Variants in CDH2 observed in about 807,000 individuals in gnomAD.
CDH2 encodes the protein cadherin 2.
A neutral mutation model predicts 92.0 loss-of-function variants in CDH2; 17 were observed. The ratio of observed to expected loss-of-function variants is 0.18; its 90% CI spans 0.13 to 0.28. The LOEUF (loss-of-function observed/expected upper bound fraction) is 0.28. Among genes scored for constraint, CDH2 ranks in the 10% least tolerant of loss-of-function variants. The pLI is 1.00. For missense variants in CDH2, 862 were observed against 1,133.1 expected (o/e 0.76, Z 3.44); for synonymous variants, 419 against 415.9 (o/e 1.01, Z -0.09).
chr18:28,148,345 G>A (rs2144328647), intron 1 of CDH2, among the ~76,000 whole-genome samples: 1 of 152,248 alleles, frequency 6.6e-6, no homozygotes, highest in South Asian at 2.1e-4. Context: ...TTGAAGGACA[G>A]TGATACATTA....
At chr18:28,010,477 G>A (rs554917842) in intron 4 of CDH2, among the ~76,000 whole-genome samples, 14 of 152,010 alleles carry the variant, frequency 9.2e-5, no homozygotes, top group African/African-American at 1.2e-4. Context: ...TTTTATGCTC[G>A]CAAACATTAT....
downstream of CDH2, among the ~76,000 whole-genome samples, chr18:27,948,159 G>A (rs62101446): frequency 0.033 from 4,894 of 148,932 alleles, 91 homozygotes; most frequent in African/African-American, 0.053. Context: ...GTGTGTATAC[G>A]GTAAAGAATG....
chr18:28,091,987 T>C (rs528694580), intron 2 of CDH2, among the ~76,000 whole-genome samples: 67 of 151,836 alleles, frequency 4.4e-4, no homozygotes, highest in Non-Finnish European at 7.5e-4. Context: ...ATCTTCTCCC[T>C]GTCTCTTTAC....
At chr18:28,165,161 T>C (rs1472843250) in intron 1 of CDH2, among the ~76,000 whole-genome samples, 5 of 152,222 alleles carry the variant, frequency 3.3e-5, no homozygotes, top group African/African-American at 7.2e-5. Context: ...TTGCTCACTA[T>C]ATGAAAGCAC....
intron 1 of CDH2, among the ~76,000 whole-genome samples, chr18:28,175,973 C>G (rs767174697): frequency 6.6e-6 from 1 of 152,196 alleles, no homozygotes; most frequent in African/African-American, 2.4e-5. Flanking sequence ...CCTGGGCTGG[C>G]TGGTCGGGAG....
intron 15 of CDH2, among the ~76,000 whole-genome samples, chr18:27,962,743 G>A (rs1023457635): frequency 3.3e-5 from 5 of 152,152 alleles, no homozygotes; most frequent in African/African-American, 1.2e-4. Flanking sequence ...CAGAACTCTT[G>A]GTCAGTAATA....
At chr18:27,964,445 G>C (rs1032076432) in intron 14 of CDH2, among the ~76,000 whole-genome samples, 1 of 152,140 alleles carries the variant, frequency 6.6e-6, no homozygotes, top group Admixed American at 6.5e-5. Context: ...TCTGAATTCT[G>C]GTGATACAAA....
intron 14 of CDH2, among the ~76,000 whole-genome samples, chr18:27,974,849 T>G (rs2011773120): frequency 6.6e-6 from 1 of 152,206 alleles, no homozygotes; most frequent in African/African-American, 2.4e-5. Flanking sequence ...GCTGGTGCCT[T>G]GATCTTGGAC....
At chr18:28,133,340 C>A (rs12453985) in intron 2 of CDH2, among the ~76,000 whole-genome samples, 2 of 151,838 alleles carry the variant, frequency 1.3e-5, no homozygotes, top group Non-Finnish European at 2.9e-5. Context: ...TCCGAGCACT[C>A]TGGGAGGCCG....
At position 28,167,196 on chromosome 18, in the gene CDH2, G is replaced by A. The variant is rs1271954022; in HGVS notation, c.60+9767C>T. ...TATTTAGTTCTTTGTCTCCACTCTC[G>A]TTCTAATAAAAGGAAGGACAAGAGA... On this transcript the variant is annotated intron_variant, in intron 1 of 15. Coordinates refer to ENST00000269141, the MANE Select transcript of CDH2 (RefSeq NM_001792.5). Among the ~76,000 whole-genome samples, 5 of 152,088 alleles carry A rather than the reference G, an allele frequency of 3.3e-5. No homozygotes were observed. In the South Asian group the frequency reaches 6.2e-4, roughly 19 times the overall value.
At chr18:28,101,483 T>C (rs1228721391) in intron 2 of CDH2, among the ~76,000 whole-genome samples, 1 of 152,158 alleles carries the variant, frequency 6.6e-6, no homozygotes, top group Non-Finnish European at 1.5e-5. Context: ...CAGCACCTTA[T>C]TGACTTATAT....
intron 1 of CDH2, 76 bp downstream of exon 1, chr18:28,176,887 G>A: frequency 2.4e-6 from 2 of 850,522 alleles, no homozygotes; most frequent in Non-Finnish European, 3.0e-6. Flanking sequence ...GCCCCGCAGC[G>A]GCGCGGGGAA....
chr18:28,146,361 T>C (rs891096468), intron 2 of CDH2: 2 of 151,716 alleles, frequency 1.3e-5, no homozygotes, highest in African/African-American at 2.4e-5. Context: ...TTAAAGAAAA[T>C]GGGATACACA....
intron 2 of CDH2, among the ~76,000 whole-genome samples, chr18:28,130,770 G>A (rs1447250421): frequency 2.0e-5 from 3 of 152,176 alleles, no homozygotes; most frequent in African/African-American, 7.2e-5. Context: ...AAGACTTTCT[G>A]AAGTGGAATT....
intron 7 of CDH2, among the ~76,000 whole-genome samples, chr18:28,000,397 T>C (rs2012728768): frequency 6.6e-6 from 1 of 152,198 alleles, no homozygotes; most frequent in South Asian, 2.1e-4. Flanking sequence ...CCACCGTGCC[T>C]GGCCTGAATG....
intron 15 of CDH2, among the ~76,000 whole-genome samples, chr18:27,962,033 A>ATAAC (rs2011418351): frequency 6.6e-6 from 1 of 152,238 alleles, no homozygotes; most frequent in Non-Finnish European, 1.5e-5. Flanking sequence ...AACCATCAGA[A>ATAAC]TAACTCAACA....
At chr18:28,054,258 T>C (rs2144132522) in intron 2 of CDH2, among the ~76,000 whole-genome samples, 1 of 152,244 alleles carries the variant, frequency 6.6e-6, no homozygotes, top group South Asian at 2.1e-4. Context: ...GCTGTGCCTT[T>C]TTTATTTTTA....
intron 7 of CDH2, 115 bp downstream of exon 7, chr18:28,002,882 A>G: frequency 1.0e-6 from 1 of 958,932 alleles, no homozygotes; most frequent in Non-Finnish European, 1.6e-6. Context: ...GAAAACGATT[A>G]GCATTTGAAT....
intron 1 of CDH2, among the ~76,000 whole-genome samples, chr18:28,176,343 G>C (rs958192045): frequency 6.6e-6 from 1 of 152,174 alleles, no homozygotes; most frequent in Non-Finnish European, 1.5e-5. Flanking sequence ...CCGGGCAAGA[G>C]GGCCAGATTT....
Sources: allele counts gnomAD v4.1 joint callset (sites outside exome capture counted in the v4.1 genomes callset), GRCh38; gene constraint gnomAD v4.1.1; transcripts MANE v1.5; gene names NCBI Gene and HGNC (gene_info 2026-07-23, HGNC 2026-07-21).